The following STX18 variants were observed in gnomAD, a reference collection of about 807,000 sequenced individuals.
STX18 encodes syntaxin-18.
STX18 carries 40 observed loss-of-function variants against 50.1 expected under a neutral mutation model. That is an observed-to-expected ratio of 0.80 (90% CI 0.62 to 1.04). The LOEUF (loss-of-function observed/expected upper bound fraction) is 1.04, where lower values mean the gene tolerates loss of function less well. STX18 is among the 50% of genes least tolerant of loss of function. The pLI, the probability that STX18 is intolerant of heterozygous loss-of-function variation, is 0.00. For synonymous variants in STX18, 158 were observed against 151.8 expected (o/e 1.04, Z -0.30); for missense variants, 410 against 415.8 (o/e 0.99, Z 0.12).
chr4:4,537,945 A>C (rs1313496644), intron 1 of STX18, among the ~76,000 whole-genome samples: 1 of 152,212 alleles, frequency 6.6e-6, no homozygotes, highest in Non-Finnish European at 1.5e-5. Context: ...TGTAGTGGGC[A>C]GAGGGAGAGC....
chr4:4,467,414 C>T (rs574761125), intron 2 of STX18, among the ~76,000 whole-genome samples: 1 of 152,284 alleles, frequency 6.6e-6, no homozygotes, highest in African/African-American at 2.4e-5. Flanking sequence ...ATCTCGTTCG[C>T]TGTCATAACT....
intron 5 of STX18, among the ~76,000 whole-genome samples, chr4:4,443,692 G>A (rs989547652): frequency 6.6e-6 from 1 of 152,148 alleles, no homozygotes; most frequent in Non-Finnish European, 1.5e-5. Flanking sequence ...AATGTATCAT[G>A]ACCAAATGAG....
rs1004770316 is a variant in STX18, at chr4:4,419,427, G to C, written c.*607C>G. The C allele has an allele frequency of 4.6e-5, 7 of 152,226 alleles. No individual in the cohort carries two copies. The highest frequency in any genetic ancestry group is 1.7e-4 in the African/African-American group (7 of 41,452). The allele number at this position is 152,226 out of a possible 1,614,324, so 9.4% of individuals were successfully genotyped here. On this transcript the variant is annotated 3_prime_UTR_variant, in exon 11 of 11. Transcript: ENST00000306200. ...CTTCCCTGATTGATTGATAGGAGGT[G>C]GCTGGGCTGCCACTGAATTTGTCAA...
intron 1 of STX18, among the ~76,000 whole-genome samples, chr4:4,523,979 CCA>C (rs1730635161): frequency 6.6e-6 from 1 of 152,194 alleles, no homozygotes; most frequent in Non-Finnish European, 1.5e-5. Flanking sequence ...CCACCTGTGT[CCA>C]CAGACACTTT....
rs1363199468 is a variant in STX18 at position 4,438,384 on chromosome 4, C to T, written c.613+10G>A. 3 of 1,598,908 alleles carry T rather than the reference C, an allele frequency of 1.9e-6. No homozygotes were observed. In the African/African-American group the frequency reaches 4.0e-5, roughly 22 times the overall value. On this transcript the variant is annotated intron_variant, in intron 6 of 10. Transcript: ENST00000306200. ...GAAATGCAAGGTGAGATTTTCATCT[C>T]AATTCGTACCTGGACGTTCTTCAGT...
In STX18 at chr4:4,430,887, A is replaced by G. The variant is rs73793297; in HGVS notation, c.702+3883T>C. 7.8e-3 allele frequency among the ~76,000 whole-genome samples: 1,194 copies of G among 152,270 alleles called. 14 individuals are homozygous for G. The highest frequency in any genetic ancestry group is 0.027 in the African/African-American group (1,137 of 41,540). On this transcript the variant is annotated intron_variant, in intron 7 of 10. Coordinates refer to ENST00000306200, the MANE Select transcript of STX18 (RefSeq NM_016930.4). ...TGGCAGTGATTTCTTGCCTCAGCTT[A>G]CAAAGATAGTAAGTGGTATAAATTC...
At position 4,420,709 on chromosome 4, in the gene STX18, G is replaced by A; in HGVS notation, c.912+155C>T. The stretch of plus-strand genomic sequence containing the variant: ...GTGGGCGACAGGTGGTGGGTCTCAT[G>A]AACACACGCAGCTCCGCGGTCACAC... On this transcript the variant is annotated intron_variant, in intron 10 of 10. Coordinates refer to ENST00000306200, the MANE Select transcript of STX18 (RefSeq NM_016930.4). The surrounding 1 kb of genome is among the most constrained non-coding windows in gnomAD (Gnocchi z 4.3). The A allele has an allele frequency of 8.9e-6, 6 of 675,258 alleles. No individual in the cohort carries two copies. In the South Asian group the frequency reaches 9.0e-5, roughly 10 times the overall value. 41.8% of individuals were successfully genotyped at this position (675,258 alleles called of 1,614,324 possible).
At chr4:4,479,756 C>T (rs1220808521) in intron 1 of STX18, among the ~76,000 whole-genome samples, 2 of 152,112 alleles carry the variant, frequency 1.3e-5, no homozygotes, top group Non-Finnish European at 2.9e-5. Flanking sequence ...TATAAAACAG[C>T]AGTATGGTCC....
At chr4:4,496,760 A>G (rs768714486) in intron 1 of STX18, among the ~76,000 whole-genome samples, 7 of 152,226 alleles carry the variant, frequency 4.6e-5, no homozygotes, top group Non-Finnish European at 7.3e-5. Context: ...AGTTTGGAGA[A>G]AAAATTACCA....
In STX18 at chr4:4,425,206, T is replaced by G. The variant is rs745481180; in HGVS notation, c.719A>C (p.Gln240Pro). The G allele has an allele frequency of 2.4e-5, 38 of 1,614,048 alleles. No individual in the cohort carries two copies. The Admixed American group carries it at 6.0e-4, about 25-fold the overall frequency. The stretch of plus-strand genomic sequence containing the variant: ...GCTGTTCATTTCACCAATTAGTCGC[T>G]GATTTTCCTGTTCAAACTGTGAGGA... ...EEIQMFEQENQRLIGEMNSLF... is the reference protein window; with the variant it reads ...EEIQMFEQENPRLIGEMNSLF... Residue 240 changes from glutamine (Q) to proline (P), a missense_variant, in exon 8 of 11, where the codon CAG becomes CCG. Physicochemically the swap from Gln to Pro is moderately conservative, Grantham distance 76. Transcript: ENST00000306200.
chr4:4,424,519 A>G (rs1725142286), intron 8 of STX18, among the ~76,000 whole-genome samples: 1 of 152,164 alleles, frequency 6.6e-6, no homozygotes, highest in Non-Finnish European at 1.5e-5. Context: ...CTGAGGGCAG[A>G]AGGCGAAGAG....
At chr4:4,444,904 A>C (rs1377560114) in intron 5 of STX18, among the ~76,000 whole-genome samples, 2 of 151,972 alleles carry the variant, frequency 1.3e-5, no homozygotes, top group Admixed American at 1.3e-4. Flanking sequence ...TTAATGGTGA[A>C]GTATTAAATC....
intron 1 of STX18, among the ~76,000 whole-genome samples, chr4:4,538,743 C>T (rs1162137404): frequency 2.0e-5 from 3 of 152,100 alleles, no homozygotes; most frequent in Admixed American, 2.0e-4. Context: ...CCCAAGTTCA[C>T]CCATTTCTAA....
In STX18 at chr4:4,457,253, T is replaced by C. The variant is rs556573540; in HGVS notation, c.435A>G (p.Val145=). ...CTCTCTGTTCTGAGTAAAGTTTACA[T>C]ACTCCTGTTGCAGAAGAAAATACCA... ...LDFIEDYLKR[V]CKLYSEQRAI... is the part of the protein sequence containing the mutation. Residue 145 remains valine, a synonymous_variant, in exon 5 of 11, where the codon GTA becomes GTG. Coordinates refer to ENST00000306200, the MANE Select transcript of STX18 (RefSeq NM_016930.4). 7 of 1,614,058 alleles carry C rather than the reference T, an allele frequency of 4.3e-6. No individual in the cohort carries two copies. The highest frequency in any genetic ancestry group is 2.5e-6 in the Non-Finnish European group (3 of 1,179,928).
At chr4:4,500,929 C>T (rs577287801) in intron 1 of STX18, among the ~76,000 whole-genome samples, 18 of 152,090 alleles carry the variant, frequency 1.2e-4, no homozygotes, top group East Asian at 3.9e-4. Flanking sequence ...CTCAGCTACT[C>T]GGGAGGCTGA....
intron 1 of STX18, among the ~76,000 whole-genome samples, chr4:4,524,342 C>T (rs772839306): frequency 2.0e-5 from 3 of 152,206 alleles, no homozygotes; most frequent in Admixed American, 6.5e-5. Context: ...GGAAACAATT[C>T]GTCCCTGATT....
intron 1 of STX18, among the ~76,000 whole-genome samples, chr4:4,529,480 C>T (rs1049979268): frequency 1.4e-5 from 2 of 144,136 alleles, no homozygotes; most frequent in Admixed American, 6.7e-5. Context: ...AATGTATGCA[C>T]CAAAATATGC....
intron 3 of STX18, 143 bp from the exon 4 acceptor site, chr4:4,457,643 C>T (rs566035495): frequency 3.1e-6 from 2 of 643,938 alleles, no homozygotes; most frequent in African/African-American, 1.8e-5. Context: ...AGTGACACTA[C>T]ATTTTTAAAA....
intron 5 of STX18, among the ~76,000 whole-genome samples, chr4:4,441,851 A>C (rs955414477): frequency 1.3e-5 from 2 of 152,220 alleles, no homozygotes; most frequent in Admixed American, 6.5e-5. Flanking sequence ...ATTGAAGGGG[A>C]AGGGCACTGT....
Sources: gnomAD v4.1 joint callset for allele counts (sites outside exome capture counted in the v4.1 genomes callset) on GRCh38, gnomAD v4.1.1 for gene constraint, Gnocchi (gnomAD v3.1) non-coding constraint, MANE v1.5 for transcripts, NCBI Gene and HGNC (gene_info 2026-07-23, HGNC 2026-07-21) for gene names.